Variants in ADGRV1 observed in about 807,000 individuals in gnomAD.
ADGRV1 encodes G-protein coupled receptor 98.
A neutral mutation model predicts 596.2 loss-of-function variants in ADGRV1; 359 were observed. The ratio of observed to expected loss-of-function variants is 0.60; its 90% CI spans 0.55 to 0.66. The LOEUF (loss-of-function observed/expected upper bound fraction) is 0.66, where lower values mean the gene tolerates loss of function less well. Among genes scored for constraint, ADGRV1 ranks in the 30% least tolerant of loss-of-function variants. The probability of loss-of-function intolerance (pLI) is 0.00; values close to 1 mark genes in which losing one functional copy is unlikely to be tolerated. For missense variants in ADGRV1, 7,274 were observed against 7,575.6 expected, an observed-to-expected ratio of 0.96 and a Z score of 1.48; for synonymous variants, 2,681 against 2,679.2, an observed-to-expected ratio of 1.00 and a Z score of -0.02.
At chr5:90,852,559 C>T (rs1766635366) in intron 79 of ADGRV1, among the ~76,000 whole-genome samples, 1 of 152,070 alleles carries the variant, frequency 6.6e-6, no homozygotes, top group Admixed American at 6.6e-5. Flanking sequence ...ATATAAATTC[C>T]TAGAACCCCT....
At chr5:91,052,089 A>G (rs1222138967) in intron 85 of ADGRV1, among the ~76,000 whole-genome samples, 1 of 152,064 alleles carries the variant, frequency 6.6e-6, no homozygotes, top group African/African-American at 2.4e-5. Context: ...TTCTTTTTTA[A>G]AATTAATCTC....
chr5:90,676,270 G>T (rs1744207664), intron 25 of ADGRV1, 61 bp downstream of exon 25: 2 of 1,496,640 alleles, frequency 1.3e-6, no homozygotes, highest in African/African-American at 2.8e-5. Context: ...GATGAAAGTA[G>T]ATTCCTTTAG....
chr5:90,776,257 C>T lies in ADGRV1; in HGVS notation c.12404-196C>T, dbSNP rs117747387. Among the ~76,000 whole-genome samples the T allele has an allele frequency of 3.4e-4, 51 of 152,102 alleles. No homozygotes were observed. The East Asian group carries it at 8.9e-3, about 27-fold the overall frequency. The stretch of plus-strand genomic sequence containing the variant: ...TCATTAAAATGTAATCTTGGGCAAG[C>T]GATTTGCCTCCATGTCTTCAAGACC... On this transcript the variant is annotated intron_variant, in intron 60 of 89. Transcript: ENST00000405460.
At chr5:90,688,703 G>T (rs983225183) in intron 29 of ADGRV1, among the ~76,000 whole-genome samples, 1 of 152,140 alleles carries the variant, frequency 6.6e-6, no homozygotes, top group African/African-American at 2.4e-5. Flanking sequence ...GAATTTGAAA[G>T]CTATGATGAC....
intron 86 of ADGRV1, among the ~76,000 whole-genome samples, chr5:91,094,461 T>TAAAA (rs533784886): frequency 1.6e-3 from 209 of 129,170 alleles, no homozygotes; most frequent in African/African-American, 4.8e-3. Context: ...TCCTTCTATG[T>TAAAA]AAAAAAAAAA....
intron 83 of ADGRV1, among the ~76,000 whole-genome samples, chr5:90,897,978 T>C (rs1771490685): frequency 1.3e-5 from 2 of 152,182 alleles, no homozygotes; most frequent in African/African-American, 4.8e-5. Context: ...TTTCAGAGTC[T>C]TTGCCTTTAT....
At chr5:90,623,694 T>C (rs1208941712) in intron 5 of ADGRV1, among the ~76,000 whole-genome samples, 3 of 152,170 alleles carry the variant, frequency 2.0e-5, no homozygotes, top group Non-Finnish European at 4.4e-5. Flanking sequence ...ATTACAGTCA[T>C]GACCCACCAT....
intron 85 of ADGRV1, among the ~76,000 whole-genome samples, chr5:91,004,085 G>A (rs2151117110): frequency 6.6e-6 from 1 of 152,150 alleles, no homozygotes; most frequent in Middle Eastern, 3.4e-3. Flanking sequence ...AAGGAAAGAA[G>A]CTTAAGTCCT....
At chr5:90,965,025 G>A (rs921276343) in intron 83 of ADGRV1, among the ~76,000 whole-genome samples, 4 of 152,146 alleles carry the variant, frequency 2.6e-5, no homozygotes, top group Admixed American at 1.3e-4. Flanking sequence ...TAAAGTCAAG[G>A]ATTTTATTTT....
chr5:91,130,374 A>C (rs188389918), intron 87 of ADGRV1, among the ~76,000 whole-genome samples: 149 of 152,026 alleles, frequency 9.8e-4, no homozygotes, highest in African/African-American at 3.3e-3. Context: ...TCTACTAAAA[A>C]TATAAAAATT....
Position 91,080,578 on chromosome 5 carries a change from G to T in ADGRV1, c.18310+7974G>T, listed in dbSNP as rs998233662. On this transcript the variant is annotated intron_variant, in intron 86 of 89. Coordinates refer to ENST00000405460, the MANE Select transcript of ADGRV1 (RefSeq NM_032119.4). ...AGTATTAGACTTTACACCCAGCTCC[G>T]CACACCCTGCAAAAAAAAAAAAAAA... Among the ~76,000 whole-genome samples the T allele has an allele frequency of 4.7e-5, 5 of 107,194 alleles. No homozygotes were observed. The South Asian group carries it at 1.0e-3, about 22-fold the overall frequency. 70.3% of individuals were successfully genotyped at this position (107,194 alleles called of 152,430 possible).
At chr5:90,763,188 T>C (rs1756692797) in intron 58 of ADGRV1, 117 bp from the exon 59 acceptor site, 1 of 929,990 alleles carries the variant, frequency 1.1e-6, no homozygotes, top group Non-Finnish European at 1.5e-6. Context: ...GATAATTACA[T>C]GTAACATTCT....
chr5:91,086,821 TC>T (rs2126546961), intron 86 of ADGRV1, among the ~76,000 whole-genome samples: 1 of 152,304 alleles, frequency 6.6e-6, no homozygotes, highest in South Asian at 2.1e-4. Flanking sequence ...CTATTTTCTT[TC>T]CTGTGAGTTT....
chr5:90,826,561 T>A (rs915706719), intron 76 of ADGRV1, among the ~76,000 whole-genome samples: 1 of 152,094 alleles, frequency 6.6e-6, no homozygotes, highest in Admixed American at 6.6e-5. Flanking sequence ...AAATAATGAA[T>A]GAGAAGTTCT....
chr5:90,806,499 C>T (rs1039016514), intron 72 of ADGRV1, among the ~76,000 whole-genome samples: 1 of 152,068 alleles, frequency 6.6e-6, no homozygotes, highest in Admixed American at 6.6e-5. Flanking sequence ...CTTTTACTTC[C>T]TTACCCCTCT....
chr5:90,853,159 G>T, intron 79 of ADGRV1, 125 bp from the exon 80 acceptor site: 2 of 875,446 alleles, frequency 2.3e-6, no homozygotes, highest in Admixed American at 2.5e-5. Flanking sequence ...ACTGCTTCTG[G>T]GTTTGTTGTG....
intron 84 of ADGRV1, among the ~76,000 whole-genome samples, chr5:90,984,744 G>A (rs1224073988): frequency 6.6e-6 from 1 of 152,158 alleles, no homozygotes; most frequent in Non-Finnish European, 1.5e-5. Flanking sequence ...GAACAAAAGG[G>A]AGAGAGTATA....
chr5:91,149,908 A>G (rs749103030), intron 87 of ADGRV1, 122 bp from the exon 88 acceptor site: 7 of 622,262 alleles, frequency 1.1e-5, no homozygotes, highest in Non-Finnish European at 1.8e-5. Flanking sequence ...ATTTCTTCAT[A>G]GCAGCATGAG....
At position 90,737,430 on chromosome 5, in the gene ADGRV1, A is replaced by G. The variant is rs541066273; in HGVS notation, c.10550-7616A>G. Among the ~76,000 whole-genome samples the G allele has an allele frequency of 1.7e-3, 260 of 152,034 alleles. 1 individual carries two copies. The highest frequency in any genetic ancestry group is 5.7e-3 in the African/African-American group (238 of 41,538). The stretch of plus-strand genomic sequence containing the variant: ...TGCTTTTGGATAGAAGATTTTGTAT[A>G]TGTCTGTTAGGTCTATTTGGTCTAC... On this transcript the variant is annotated intron_variant, in intron 50 of 89. Transcript: ENST00000405460.
Sources: gnomAD v4.1 joint callset for allele counts (sites outside exome capture counted in the v4.1 genomes callset) on GRCh38, gnomAD v4.1.1 for gene constraint, MANE v1.5 for transcripts, NCBI Gene and HGNC (gene_info 2026-07-23, HGNC 2026-07-21) for gene names.